The following AGTRAP variants were observed in gnomAD, a reference collection of about 807,000 sequenced individuals.
The protein encoded by AGTRAP is angiotensin II receptor associated protein.
AGTRAP carries 7 observed loss-of-function variants against 15.2 expected under a neutral mutation model. That is an observed-to-expected ratio of 0.46 (90% CI 0.26 to 0.87). The LOEUF (loss-of-function observed/expected upper bound fraction) is 0.87. Ranked by LOEUF, AGTRAP falls within the 40% of genes least tolerant of loss-of-function variation. The probability of loss-of-function intolerance (pLI) is 0.15; values close to 1 mark genes in which losing one functional copy is unlikely to be tolerated. For synonymous variants in AGTRAP, 74 were observed against 89.6 expected (o/e 0.83, Z 0.98); for missense variants, 187 against 213.4 (o/e 0.88, Z 0.77).
At chr1:11,748,195 G>A (rs1022909955) in intron 3 of AGTRAP, among the ~76,000 whole-genome samples, 12 of 152,194 alleles carry the variant, frequency 7.9e-5, no homozygotes, top group African/African-American at 2.9e-4. Context: ...GGGGAGGGAG[G>A]CTCTGGTGGA....
intron 2 of AGTRAP, chr1:11,746,062 C>T (rs1418574530): frequency 6.5e-7 from 1 of 1,530,134 alleles, no homozygotes. Context: ...CAGGGCCTGC[C>T]CCACAGTGAG....
intron 1 of AGTRAP, among the ~76,000 whole-genome samples, chr1:11,743,674 C>G (rs1642090535): frequency 6.6e-6 from 1 of 151,068 alleles, no homozygotes; most frequent in South Asian, 2.1e-4. Context: ...TCAAGCGATT[C>G]TCCTGCCTCA....
At chr1:11,748,978 C>G (rs553567979) in intron 4 of AGTRAP, among the ~76,000 whole-genome samples, 5 of 152,220 alleles carry the variant, frequency 3.3e-5, no homozygotes, top group Admixed American at 6.5e-5. Flanking sequence ...CTGTTCTCAC[C>G]GGGGCCCATC....
At chr1:11,740,244 C>T (rs1036025544) in intron 1 of AGTRAP, among the ~76,000 whole-genome samples, 4 of 152,212 alleles carry the variant, frequency 2.6e-5, no homozygotes, top group African/African-American at 9.7e-5. Context: ...AGTTACTGGC[C>T]CCTCTTTCCC....
intron 4 of AGTRAP, 52 bp from the exon 5 acceptor site, chr1:11,750,024 TC>T: frequency 6.9e-7 from 1 of 1,458,266 alleles, no homozygotes; most frequent in Non-Finnish European, 9.5e-7. Flanking sequence ...CAGCTGAACA[TC>T]CCGAGTTCTC....
chr1:11,738,610 CACA>C (rs1254179253), intron 1 of AGTRAP, among the ~76,000 whole-genome samples: 1 of 152,182 alleles, frequency 6.6e-6, no homozygotes, highest in African/African-American at 2.4e-5. Flanking sequence ...ACTGGATCCA[CACA>C]ACAACACTGA....
At chr1:11,741,622 T>C (rs1642032067) in intron 1 of AGTRAP, among the ~76,000 whole-genome samples, 1 of 152,204 alleles carries the variant, frequency 6.6e-6, no homozygotes, top group Non-Finnish European at 1.5e-5. Context: ...CAGCACAGCC[T>C]GGGTTTGAGT....
intron 1 of AGTRAP, among the ~76,000 whole-genome samples, chr1:11,743,976 A>T (rs975942314): frequency 6.6e-6 from 1 of 152,162 alleles, no homozygotes; most frequent in Non-Finnish European, 1.5e-5. Flanking sequence ...GAGGACATTA[A>T]AAAGGGTAAA....
intron 1 of AGTRAP, among the ~76,000 whole-genome samples, chr1:11,740,206 G>A (rs949735133): frequency 6.6e-5 from 10 of 152,244 alleles, no homozygotes; most frequent in Admixed American, 5.9e-4. Context: ...GCTCCCCCAG[G>A]GCCAAAAGAC....
chr1:11,749,683 C>G (rs1164313657), intron 4 of AGTRAP, among the ~76,000 whole-genome samples: 1 of 152,262 alleles, frequency 6.6e-6, no homozygotes, highest in South Asian at 2.1e-4. Flanking sequence ...GGCTGATGTC[C>G]CTCTGCCCAG....
rs17875951 is a variant in AGTRAP at position 11,748,373 on chromosome 1, G to A, written c.169-42G>A. ...GTGTGTGGCGGGGGAGCCACGGAGC[G>A]TGGTGGGGGTGTTGTGCTCATCAGT... On this transcript the variant is annotated intron_variant, in intron 3 of 4. Transcript: ENST00000314340. 2,123 of 1,584,048 alleles carry A rather than the reference G, an allele frequency of 1.3e-3. 34 individuals are homozygous for A. In the African/African-American group the frequency reaches 0.024, roughly 18 times the overall value.
chr1:11,746,889 A>G (rs1400747322), intron 2 of AGTRAP, among the ~76,000 whole-genome samples: 1 of 152,216 alleles, frequency 6.6e-6, no homozygotes, highest in Non-Finnish European at 1.5e-5. Flanking sequence ...GTGTTAGGAA[A>G]GTGACGAACT....
At chr1:11,746,375 G>C (rs2100775246) in intron 2 of AGTRAP, 1 of 663,454 alleles carries the variant, frequency 1.5e-6, no homozygotes, top group South Asian at 2.0e-5. Flanking sequence ...AAGATAAGAT[G>C]GTTTATTCAA....
chr1:11,744,663 C>A, intron 1 of AGTRAP: 1 of 672,596 alleles, frequency 1.5e-6, no homozygotes, highest in Non-Finnish European at 2.8e-6. Context: ...CCTTGTGTTA[C>A]AGGAAAGGGG....
rs1276230541 is a variant in AGTRAP at position 11,745,994 on chromosome 1, G to A, written c.62+157G>A. On this transcript the variant is annotated intron_variant, in intron 2 of 4. Transcript: ENST00000314340. This position sits in a 1 kb window ranked among gnomAD's most constrained non-coding sequence, Gnocchi z 4.2. The stretch of plus-strand genomic sequence containing the variant: ...ATTTCCGTCTGTACAATAGGCATAA[G>A]GATTGCACACCCTGCAGGAGCTGGG... The A allele has an allele frequency of 7.5e-7, 1 of 1,325,766 alleles. No individual in the cohort carries two copies. Among genetic ancestry groups the A allele is most frequent in the Non-Finnish European group, 1.1e-6 (1 of 920,506 alleles). 82.1% of individuals were successfully genotyped at this position (1,325,766 alleles called of 1,614,324 possible).
At chr1:11,747,199 C>T (rs1329131260) in intron 2 of AGTRAP, among the ~76,000 whole-genome samples, 2 of 152,182 alleles carry the variant, frequency 1.3e-5, no homozygotes, top group African/African-American at 4.8e-5. Context: ...AGTCAGGACG[C>T]TGGCACAGGG....
At chr1:11,743,736 T>C (rs1181581368) in intron 1 of AGTRAP, among the ~76,000 whole-genome samples, 2 of 151,996 alleles carry the variant, frequency 1.3e-5, no homozygotes, top group Non-Finnish European at 2.9e-5. Flanking sequence ...CCGGCTAATT[T>C]TGTATTTTTA....
At chr1:11,747,972 C>G (rs1031099350) in intron 3 of AGTRAP, among the ~76,000 whole-genome samples, 1 of 152,178 alleles carries the variant, frequency 6.6e-6, no homozygotes, top group African/African-American at 2.4e-5. Context: ...AAACCTCCCA[C>G]AGGGGGAGCT....
chr1:11,746,885 G>A (rs1409535889), intron 2 of AGTRAP, among the ~76,000 whole-genome samples: 2 of 152,198 alleles, frequency 1.3e-5, no homozygotes, highest in Admixed American at 6.5e-5. Context: ...CCTTGTGTTA[G>A]GAAAGTGACG....
Sources: allele counts gnomAD v4.1 joint callset (sites outside exome capture counted in the v4.1 genomes callset), GRCh38; gene constraint gnomAD v4.1.1; non-coding constraint Gnocchi (gnomAD v3.1); transcripts MANE v1.5; gene names NCBI Gene and HGNC (gene_info 2026-07-23, HGNC 2026-07-21).